EBF1: variants seen among roughly 807,000 people sequenced by gnomAD.
The protein encoded by EBF1 is transcription factor COE1.
A neutral mutation model predicts 68.4 loss-of-function variants in EBF1; 10 were observed. The observed-to-expected ratio is 0.15, with a 90% confidence interval of 0.09 to 0.25. The LOEUF is 0.25. EBF1 is among the 10% of genes least tolerant of loss of function. The pLI is 1.00. For synonymous variants in EBF1, 298 were observed against 299.8 expected, an observed-to-expected ratio of 0.99 and a Z score of 0.06; for missense variants, 509 against 794.4, an observed-to-expected ratio of 0.64 and a Z score of 4.32.
In EBF1 at chr5:158,766,405, T is replaced by G. The variant is rs9313788; in HGVS notation, c.1036+11008A>C. On this transcript the variant is annotated intron_variant, in intron 10 of 15. Transcript: ENST00000313708. ...TGACTTGAAAAAGTTTGATTAAGGGTGGAAACCCAAAATGCAGAAGTTGTA... is the reference window on the plus strand; with the variant it reads ...TGACTTGAAAAAGTTTGATTAAGGGGGGAAACCCAAAATGCAGAAGTTGTA... Among the ~76,000 whole-genome samples, 1,470 of 152,242 alleles carry G rather than the reference T, an allele frequency of 9.7e-3. 32 individuals carry two copies. Among genetic ancestry groups the G allele is most frequent in the African/African-American group, 0.033 (1,355 of 41,556 alleles).
intron 7 of EBF1, among the ~76,000 whole-genome samples, chr5:158,836,096 G>A (rs1389395676): frequency 6.6e-6 from 1 of 152,200 alleles, no homozygotes; most frequent in Non-Finnish European, 1.5e-5. Flanking sequence ...AACCTAAGAA[G>A]CTTGGGGTGG....
rs1046644724 is a variant in EBF1, at chr5:158,697,193, G to C, written c.*1918C>G. 7 of 192,370 alleles carry C rather than the reference G, an allele frequency of 3.6e-5. No individual in the cohort carries two copies. Among genetic ancestry groups the C allele is most frequent in the Admixed American group, 1.2e-4 (2 of 16,312 alleles). 11.9% of individuals were successfully genotyped at this position (192,370 alleles called of 1,614,324 possible). A position where few individuals can be genotyped will look rare whatever the true frequency, so the allele number is the denominator to read the frequency against. ...AATAGAGTAAAACAGCATTAGGGTT[G>C]TTTTGTAAGCTTCCAAAGCAAAGGA... On this transcript the variant is annotated 3_prime_UTR_variant, in exon 16 of 16. Transcript: ENST00000313708.
intron 10 of EBF1, among the ~76,000 whole-genome samples, chr5:158,750,506 T>TA (rs1029412946): frequency 6.6e-6 from 1 of 152,058 alleles, no homozygotes; most frequent in African/African-American, 2.4e-5. Context: ...AACTGGGTGA[T>TA]AAAAAAGAGA....
chr5:158,937,497 A>G, intron 6 of EBF1, among the ~76,000 whole-genome samples: 1 of 152,178 alleles, frequency 6.6e-6, no homozygotes, highest in Non-Finnish European at 1.5e-5. Context: ...CCGAGGATCA[A>G]ATACTCTCCC....
chr5:158,959,498 A>T (rs535552968), intron 6 of EBF1, among the ~76,000 whole-genome samples: 2 of 152,142 alleles, frequency 1.3e-5, no homozygotes, highest in Admixed American at 1.3e-4. Context: ...CACCATGTTG[A>T]CCAAGCTTGT....
At chr5:158,970,275 T>C (rs1364401447) in intron 6 of EBF1, among the ~76,000 whole-genome samples, 2 of 152,228 alleles carry the variant, frequency 1.3e-5, no homozygotes, top group African/African-American at 2.4e-5. Flanking sequence ...ACCGGTTTCA[T>C]AGAAACTCAT....
At chr5:158,827,778 G>A (rs775695222) in intron 7 of EBF1, among the ~76,000 whole-genome samples, 2 of 152,168 alleles carry the variant, frequency 1.3e-5, no homozygotes, top group African/African-American at 4.8e-5. Flanking sequence ...GGAAGAAGGG[G>A]TTATGACAAA....
intron 15 of EBF1, among the ~76,000 whole-genome samples, chr5:158,700,262 A>G (rs1756443874): frequency 6.6e-6 from 1 of 152,260 alleles, no homozygotes; most frequent in Non-Finnish European, 1.5e-5. Flanking sequence ...GGAAGAATAA[A>G]AGGATAACTA....
chr5:158,887,008 AAAAG>A (rs917958266), intron 6 of EBF1, among the ~76,000 whole-genome samples: 12 of 152,238 alleles, frequency 7.9e-5, no homozygotes, highest in African/African-American at 2.2e-4. Flanking sequence ...ATCTCAAAAA[AAAAG>A]AGAGACTTTA....
chr5:158,707,001 A>C (rs1171417667), intron 15 of EBF1, among the ~76,000 whole-genome samples: 1 of 152,218 alleles, frequency 6.6e-6, no homozygotes, highest in Non-Finnish European at 1.5e-5. Flanking sequence ...AACCCTGGCT[A>C]TGTCTCTTTT....
intron 4 of EBF1, among the ~76,000 whole-genome samples, chr5:159,092,425 C>A (rs1400680916): frequency 6.6e-6 from 1 of 152,128 alleles, no homozygotes; most frequent in East Asian, 1.9e-4. Flanking sequence ...CTTATATATT[C>A]ATTTCTAATG....
intron 13 of EBF1, 102 bp downstream of exon 13, chr5:158,712,868 T>G: frequency 8.5e-7 from 1 of 1,178,594 alleles, no homozygotes; most frequent in Non-Finnish European, 1.1e-6. Context: ...ATCTCCCTTT[T>G]GGGATGAAAA....
At chr5:159,004,724 A>G (rs1341185737) in intron 6 of EBF1, among the ~76,000 whole-genome samples, 6 of 152,134 alleles carry the variant, frequency 3.9e-5, no homozygotes, top group African/African-American at 1.4e-4. Context: ...CATCCACTGA[A>G]TGTCACATTA....
intron 6 of EBF1, among the ~76,000 whole-genome samples, chr5:159,052,242 A>G (rs1773882756): frequency 6.6e-6 from 1 of 150,888 alleles, no homozygotes; most frequent in African/African-American, 2.4e-5. Context: ...ACGTAGGTAT[A>G]TGTGTATTGC....
chr5:158,704,886 T>G (rs954264678), intron 15 of EBF1, among the ~76,000 whole-genome samples: 3 of 152,208 alleles, frequency 2.0e-5, no homozygotes, highest in Admixed American at 2.0e-4. Context: ...TAAAGTGAGA[T>G]GTTTACATTA....
At chr5:158,912,753 T>A (rs1583109351) in intron 6 of EBF1, among the ~76,000 whole-genome samples, 1 of 152,296 alleles carries the variant, frequency 6.6e-6, no homozygotes, top group East Asian at 1.9e-4. Flanking sequence ...TATGCCTAAT[T>A]CCACCTCATT....
At chr5:158,813,184 T>G (rs943812859) in intron 8 of EBF1, among the ~76,000 whole-genome samples, 1 of 152,204 alleles carries the variant, frequency 6.6e-6, no homozygotes, top group African/African-American at 2.4e-5. Flanking sequence ...TTCTTTAACT[T>G]TAGTCTTGCC....
intron 11 of EBF1, among the ~76,000 whole-genome samples, chr5:158,719,918 A>G (rs1018850735): frequency 6.6e-6 from 1 of 152,018 alleles, no homozygotes; most frequent in Admixed American, 6.6e-5. Context: ...AGATTGAAAC[A>G]GAAAAAAAAA....
chr5:158,785,586 C>G (rs1258669965), intron 9 of EBF1, among the ~76,000 whole-genome samples: 1 of 152,152 alleles, frequency 6.6e-6, no homozygotes, highest in Non-Finnish European at 1.5e-5. Context: ...GAGAAAAAGC[C>G]AGAGGAGGCA....
Sources: allele counts gnomAD v4.1 joint callset (sites outside exome capture counted in the v4.1 genomes callset), GRCh38; gene constraint gnomAD v4.1.1; transcripts MANE v1.5; gene names NCBI Gene and HGNC (gene_info 2026-07-23, HGNC 2026-07-21).